VCL: variants seen among roughly 807,000 people sequenced by gnomAD.
VCL encodes the protein epididymis luminal protein 114.
A neutral mutation model predicts 125.7 loss-of-function variants in VCL; 47 were observed. The ratio of observed to expected loss-of-function variants is 0.37; its 90% CI spans 0.30 to 0.48. VCL has a LOEUF of 0.48. Among genes scored for constraint, VCL ranks in the 20% least tolerant of loss-of-function variants. The pLI is 0.99. For missense variants in VCL, 1,069 were observed against 1,455.5 expected (o/e 0.73, Z 4.32); for synonymous variants, 458 against 514.6 (o/e 0.89, Z 1.49).
intron 2 of VCL, among the ~76,000 whole-genome samples, chr10:74,069,107 G>T (rs1841620530): frequency 6.6e-6 from 1 of 151,878 alleles, no homozygotes; most frequent in South Asian, 2.1e-4. Context: ...ACCCAGGCTG[G>T]AGTGCAGTGG....
At position 74,070,754 on chromosome 10, in the gene VCL, A is replaced by G; in HGVS notation, c.324A>G (p.Leu108=). The G allele has an allele frequency of 6.2e-7, 1 of 1,614,124 alleles. No homozygotes were observed. The highest frequency in any genetic ancestry group is 8.5e-7 in the Non-Finnish European group (1 of 1,180,020). ...DPYSVPARDY[L]IDGSRGILSG... ...ACTCAGTGCCTGCTCGAGATTATCT[A>G]ATTGATGGGTCAAGGGGCATCCTCT... is the stretch of plus-strand genomic sequence containing the variant. Residue 108 remains leucine (L), a synonymous_variant, in exon 3 of 22, where the codon CTA becomes CTG. Transcript: ENST00000211998.
chr10:74,119,446 G>A lies in VCL; in HGVS notation c.*1277G>A, dbSNP rs1285896658. 1 of 152,200 alleles carries A rather than the reference G, an allele frequency of 6.6e-6. No individual in the cohort carries two copies. The allele number at this position is 152,200 out of a possible 1,614,324, so 9.4% of individuals were successfully genotyped here. A position where few individuals can be genotyped will look rare whatever the true frequency, so the allele number is the denominator to read the frequency against. On this transcript the variant is annotated 3_prime_UTR_variant, in exon 22 of 22. Transcript: ENST00000211998. The stretch of plus-strand genomic sequence containing the variant: ...CCTCCCTGCAACCAACTACAACCAA[G>A]CTCTCTGCATCTACTCCCAAGTATG...
intron 1 of VCL, among the ~76,000 whole-genome samples, chr10:74,024,738 AG>A (rs1460858745): frequency 2.6e-5 from 4 of 152,240 alleles, no homozygotes; most frequent in Non-Finnish European, 5.9e-5. Flanking sequence ...ACTTAAGGCC[AG>A]GCTGACTCAG....
At position 74,035,185 on chromosome 10, in the gene VCL, A is replaced by T. The variant is rs553524683; in HGVS notation, c.169-7898A>T. 5.9e-5 allele frequency among the ~76,000 whole-genome samples: 9 copies of T among 152,050 alleles called. No homozygotes were observed. In the South Asian group the frequency reaches 1.5e-3, roughly 25 times the overall value. On this transcript the variant is annotated intron_variant, in intron 1 of 21. Transcript: ENST00000211998. ...TGTTTTCTTGTACTTAGTCTAGCTA[A>T]GGGAGACATCTACATTAACATATTT...
intron 1 of VCL, chr10:74,027,768 T>A (rs1840802202): frequency 6.6e-6 from 1 of 151,966 alleles, no homozygotes; most frequent in South Asian, 2.1e-4. Flanking sequence ...CTAAAGAGCA[T>A]GTGCGCACAG....
chr10:74,114,679 A>G, intron 20 of VCL, 116 bp from the exon 21 acceptor site: 3 of 1,126,524 alleles, frequency 2.7e-6, no homozygotes, highest in Non-Finnish European at 3.9e-6. Flanking sequence ...CTGCTTATTT[A>G]TCGAGTGCCT....
Position 74,081,397 on chromosome 10 carries a change from C to T in VCL, c.784-1057C>T, listed in dbSNP as rs1037970398. Among the ~76,000 whole-genome samples the T allele has an allele frequency of 3.9e-5, 6 of 152,020 alleles. No individual in the cohort carries two copies. The East Asian group carries it at 5.8e-4, about 15-fold the overall frequency. On this transcript the variant is annotated intron_variant, in intron 6 of 21. Coordinates refer to ENST00000211998, the MANE Select transcript of VCL (RefSeq NM_014000.3). ...GGAAGTGGGGATGCTCCTGGTGCCC[C>T]CGTGTGGAAAACTAGTGGTGCAACA...
chr10:73,998,563 G>C (rs942507490), intron 1 of VCL, among the ~76,000 whole-genome samples, 188 bp downstream of exon 1: 1 of 152,230 alleles, frequency 6.6e-6, no homozygotes, highest in African/African-American at 2.4e-5. Flanking sequence ...GCCTCTCCGG[G>C]CCTCAGTGTC....
At chr10:74,010,086 G>A (rs1840404026) in intron 1 of VCL, among the ~76,000 whole-genome samples, 1 of 151,754 alleles carries the variant, frequency 6.6e-6, no homozygotes, top group African/African-American at 2.4e-5. Flanking sequence ...CACACACCCA[G>A]CTAATTTTTT....
chr10:74,086,917 A>C (rs1839788270), intron 8 of VCL, among the ~76,000 whole-genome samples: 1 of 152,118 alleles, frequency 6.6e-6, no homozygotes, highest in Non-Finnish European at 1.5e-5. Context: ...GCTAGTATAT[A>C]TTTTTACCCC....
chr10:74,105,143 G>A lies in VCL; in HGVS notation c.2224G>A (p.Ala742Thr), dbSNP rs1840111359. The change falls in exon 16 of 22, where the codon GCC becomes ACC. Residue 742 changes from alanine (A) to threonine (T), a missense_variant. By Grantham distance (58) the Ala-to-Thr change is moderately conservative. Transcript: ENST00000211998. ...KDLDKCKVAM[A>T]NIQPQMLVAG... ...CCTGGACAAGTGCAAGGTAGCTATG[G>A]CCAACATTCAGCCTCAGATGCTGGT... 6.2e-7 allele frequency: 1 copy of A among 1,614,076 alleles called. No individual in the cohort carries two copies. Among genetic ancestry groups the A allele is most frequent in the Non-Finnish European group, 8.5e-7 (1 of 1,180,042 alleles).
chr10:74,061,957 G>T (rs916273184), intron 2 of VCL, among the ~76,000 whole-genome samples: 5 of 150,364 alleles, frequency 3.3e-5, no homozygotes, highest in Admixed American at 1.3e-4. Flanking sequence ...TCAGGATGGA[G>T]TGCAATCACG....
Position 74,101,094 on chromosome 10 carries a change from C to T in VCL, c.2019C>T (p.Pro673=), listed in dbSNP as rs1591709995. 2 of 1,612,826 alleles carry T rather than the reference C, an allele frequency of 1.2e-6. No individual in the cohort carries two copies. Among genetic ancestry groups the T allele is most frequent in the African/African-American group, 2.7e-5 (2 of 74,828 alleles). ...TGAAGACGGCCCGAGAACTCACACC[C>T]CAGGTTGGGTTTTGCTCATTCCTCA... is the stretch of plus-strand genomic sequence containing the variant. ...ASVKTARELT[P]QVVSAARILL... is the part of the protein sequence containing the mutation. Residue 673 remains proline (P), a synonymous_variant, in exon 14 of 22, where the codon CCC becomes CCT. Coordinates refer to ENST00000211998, the MANE Select transcript of VCL (RefSeq NM_014000.3).
At chr10:74,044,237 C>G (rs1841153711) in intron 2 of VCL, among the ~76,000 whole-genome samples, 1 of 151,942 alleles carries the variant, frequency 6.6e-6, no homozygotes, top group Admixed American at 6.6e-5. Flanking sequence ...AACAAGCAGA[C>G]ATACTAATTT....
chr10:73,998,333 G>T lies in VCL; in HGVS notation c.126G>T (p.Ala42=), dbSNP rs1031820588. 2 of 1,559,168 alleles carry T rather than the reference G, an allele frequency of 1.3e-6. No individual in the cohort carries two copies. Among genetic ancestry groups the T allele is most frequent in the Non-Finnish European group, 1.7e-6 (2 of 1,151,508 alleles). Residue 42 remains alanine, a synonymous_variant, in exon 1 of 22, where the codon GCG becomes GCT. Transcript: ENST00000211998. ...VDGKAIPDLT[A]PVAAVQAAVS... is the part of the protein sequence containing the mutation. The stretch of plus-strand genomic sequence containing the variant: ...GCAAAGCCATTCCTGACCTCACCGC[G>T]CCCGTGGCCGCCGTGCAGGCGGCCG...
At chr10:74,069,526 A>G (rs1171918807) in intron 2 of VCL, among the ~76,000 whole-genome samples, 1 of 152,092 alleles carries the variant, frequency 6.6e-6, no homozygotes, top group Non-Finnish European at 1.5e-5. Context: ...ACTGCTTTAA[A>G]CTTGTGGAGT....
intron 1 of VCL, among the ~76,000 whole-genome samples, chr10:74,026,246 T>C (rs1218063542): frequency 6.6e-6 from 1 of 152,220 alleles, no homozygotes; most frequent in Non-Finnish European, 1.5e-5. Flanking sequence ...TTTAGCATGC[T>C]TTTCTATGTC....
chr10:74,095,914 G>C, intron 12 of VCL, 59 bp downstream of exon 12: 1 of 1,583,996 alleles, frequency 6.3e-7, no homozygotes, highest in African/African-American at 1.3e-5. Context: ...TGAAAGACGA[G>C]GGAAGGAAGA....
At chr10:74,042,971 A>G (rs2136248710) in intron 1 of VCL, 112 bp from the exon 2 acceptor site, 2 of 1,130,464 alleles carry the variant, frequency 1.8e-6, no homozygotes, top group East Asian at 5.2e-5. Flanking sequence ...CCTTAAATCT[A>G]GAAACTTTAA....
Sources: gnomAD v4.1 joint callset for allele counts (sites outside exome capture counted in the v4.1 genomes callset) on GRCh38, gnomAD v4.1.1 for gene constraint, MANE v1.5 for transcripts, NCBI Gene and HGNC (gene_info 2026-07-23, HGNC 2026-07-21) for gene names.